Variants in GRID2 observed in about 807,000 individuals in gnomAD.
The protein encoded by GRID2 is glutamate ionotropic receptor delta type subunit 2.
Under a neutral mutation model 114.8 loss-of-function variants are expected in GRID2, and 33 were observed. The ratio of observed to expected loss-of-function variants is 0.29; its 90% CI spans 0.22 to 0.38. The LOEUF (loss-of-function observed/expected upper bound fraction) is 0.38, where lower values mean the gene tolerates loss of function less well. Among genes scored for constraint, GRID2 ranks in the 10% least tolerant of loss-of-function variants. The pLI is 1.00. For missense variants in GRID2, 1,184 were observed against 1,257.7 expected (o/e 0.94, Z 0.89); for synonymous variants, 505 against 449.9 (o/e 1.12, Z -1.55).
chr4:92,930,107 T>C lies in GRID2; in HGVS notation c.245-154888T>C, dbSNP rs1402489128. On this transcript the variant is annotated intron_variant, in intron 2 of 15. Transcript: ENST00000282020. ...TTAATTTTCATAACTTTTTCGTAAA[T>C]GAGGATACCGGAAGTCACACAAAGT... 2.0e-5 allele frequency among the ~76,000 whole-genome samples: 3 copies of C among 151,252 alleles called. 1 individual carries two copies. The highest frequency in any genetic ancestry group is 4.4e-5 in the Non-Finnish European group (3 of 67,432).
chr4:93,209,103 T>C (rs898469860), intron 5 of GRID2, among the ~76,000 whole-genome samples: 1 of 151,978 alleles, frequency 6.6e-6, no homozygotes, highest in Non-Finnish European at 1.5e-5. Context: ...TTTTGTTTTG[T>C]TTTTAGCTTT....
At chr4:92,818,326 C>T (rs1259613144) in intron 2 of GRID2, among the ~76,000 whole-genome samples, 1 of 151,954 alleles carries the variant, frequency 6.6e-6, no homozygotes, top group Non-Finnish European at 1.5e-5. Flanking sequence ...CAACTTCACC[C>T]ATACAAGAGA....
At chr4:93,566,726 CCCCTCTG>C in intron 13 of GRID2, among the ~76,000 whole-genome samples, 1 of 152,140 alleles carries the variant, frequency 6.6e-6, no homozygotes, top group South Asian at 2.1e-4. Context: ...GCCAAGCTTG[CCCCTCTG>C]CCCTCCAGCC....
intron 14 of GRID2, among the ~76,000 whole-genome samples, chr4:93,704,795 A>T (rs1448477614): frequency 6.6e-6 from 1 of 152,140 alleles, no homozygotes; most frequent in African/African-American, 2.4e-5. Context: ...CTCAATTTTT[A>T]TGGTCAAATA....
intron 1 of GRID2, among the ~76,000 whole-genome samples, chr4:92,476,687 G>A (rs76700381): frequency 0.013 from 1,931 of 152,080 alleles, 36 homozygotes; most frequent in African/African-American, 0.037. Context: ...AAAAAATTTC[G>A]TATGTTTTTC....
chr4:93,594,378 T>A (rs1216034491), intron 13 of GRID2, among the ~76,000 whole-genome samples: 7 of 152,042 alleles, frequency 4.6e-5, no homozygotes, highest in Non-Finnish European at 8.8e-5. Context: ...GGGTCAGGGG[T>A]CAGGGACCCA....
intron 2 of GRID2, among the ~76,000 whole-genome samples, chr4:92,886,984 A>G (rs1182796577): frequency 1.3e-5 from 2 of 152,134 alleles, no homozygotes; most frequent in Non-Finnish European, 2.9e-5. Context: ...TAATCTAAAT[A>G]TTATTGCTTC....
At chr4:92,360,142 C>T (rs1433261003) in intron 1 of GRID2, among the ~76,000 whole-genome samples, 1 of 151,862 alleles carries the variant, frequency 6.6e-6, no homozygotes, top group Non-Finnish European at 1.5e-5. Context: ...CCTAGTTTTC[C>T]CTTACTGTTA....
chr4:92,539,257 A>G (rs1252343589), intron 1 of GRID2, among the ~76,000 whole-genome samples: 1 of 152,152 alleles, frequency 6.6e-6, no homozygotes, highest in Non-Finnish European at 1.5e-5. Context: ...TCTAGACTTG[A>G]AACTAATGAG....
At chr4:93,802,210 A>C (rs1734945310) in intron 1 of GRID2, among the ~76,000 whole-genome samples, 1 of 152,244 alleles carries the variant, frequency 6.6e-6, no homozygotes, top group African/African-American at 2.4e-5. Context: ...AAAGAGAGGG[A>C]GAAAGAGATG....
chr4:92,888,372 A>G (rs1746518873), intron 2 of GRID2, among the ~76,000 whole-genome samples: 1 of 152,134 alleles, frequency 6.6e-6, no homozygotes, highest in African/African-American at 2.4e-5. Context: ...TTATTTGGCT[A>G]TTCTAGAAGC....
chr4:92,975,522 A>G (rs933784420), intron 2 of GRID2, among the ~76,000 whole-genome samples: 2 of 152,168 alleles, frequency 1.3e-5, no homozygotes, highest in Non-Finnish European at 2.9e-5. Flanking sequence ...ATTGTATCAT[A>G]TGATGTATAC....
intron 1 of GRID2, among the ~76,000 whole-genome samples, chr4:92,491,890 A>T (rs910984224): frequency 2.0e-5 from 3 of 152,142 alleles, no homozygotes; most frequent in African/African-American, 7.2e-5. Context: ...AGTTGGATCA[A>T]AATTATTTAA....
Position 92,931,503 on chromosome 4 carries a change from A to G in GRID2, c.245-153492A>G, listed in dbSNP as rs1374635072. Among the ~76,000 whole-genome samples the G allele has an allele frequency of 2.0e-5, 3 of 151,088 alleles. No homozygotes were observed. In the East Asian group the frequency reaches 5.8e-4, roughly 29 times the overall value. ...GTAATTTAGCAGAAAAAAAATAAAT[A>G]TGATACATAAATATTGGGATACATG... On this transcript the variant is annotated intron_variant, in intron 2 of 15. Transcript: ENST00000282020.
chr4:92,489,807 C>T lies in GRID2; in HGVS notation c.89-100324C>T, dbSNP rs183383977. ...GTTGCAGTGAGCCAAGATTGTGCTA[C>T]TGCCCTCCAGCCTGGGCGATAGAGC... is the stretch of plus-strand genomic sequence containing the variant. On this transcript the variant is annotated intron_variant, in intron 1 of 15. Transcript: ENST00000282020. Among the ~76,000 whole-genome samples the T allele has an allele frequency of 3.1e-3, 460 of 150,218 alleles. 3 individuals are homozygous for T. Among genetic ancestry groups the T allele is most frequent in the African/African-American group, 0.011 (438 of 40,776 alleles).
intron 8 of GRID2, among the ~76,000 whole-genome samples, chr4:93,339,764 C>G (rs1238458463): frequency 6.6e-6 from 1 of 152,070 alleles, no homozygotes; most frequent in Admixed American, 6.6e-5. Context: ...GTAATTGACT[C>G]ACAGTTCAGC....
intron 1 of GRID2, among the ~76,000 whole-genome samples, chr4:92,418,537 A>T (rs1298418563): frequency 6.6e-6 from 1 of 152,086 alleles, no homozygotes; most frequent in African/African-American, 2.4e-5. Flanking sequence ...CAAGGACAAG[A>T]TAATGGTGGC....
chr4:93,579,574 G>C (rs1736761815), intron 13 of GRID2, among the ~76,000 whole-genome samples: 1 of 152,060 alleles, frequency 6.6e-6, no homozygotes, highest in African/African-American at 2.4e-5. Flanking sequence ...CCTGACCAAT[G>C]GGAAGTATGA....
chr4:93,226,597 T>C (rs1268359851), intron 7 of GRID2, among the ~76,000 whole-genome samples: 1 of 152,192 alleles, frequency 6.6e-6, no homozygotes, highest in Non-Finnish European at 1.5e-5. Context: ...TCTGCAGCTT[T>C]CACAGGTTAG....
Sources: gnomAD v4.1 joint callset for allele counts (sites outside exome capture counted in the v4.1 genomes callset) on GRCh38, gnomAD v4.1.1 for gene constraint, MANE v1.5 for transcripts, NCBI Gene and HGNC (gene_info 2026-07-23, HGNC 2026-07-21) for gene names.